CP: variants seen among roughly 807,000 people sequenced by gnomAD.
CP encodes ceruloplasmin, also known as caeruloplasmin.
A neutral mutation model predicts 122.4 loss-of-function variants in CP; 64 were observed. The ratio of observed to expected loss-of-function variants is 0.52; its 90% CI spans 0.43 to 0.64. CP has a LOEUF of 0.64. CP is among the 30% of genes least tolerant of loss of function. CP has a pLI of 0.00. For missense variants in CP, 1,167 were observed against 1,284.4 expected (o/e 0.91, Z 1.40); for synonymous variants, 440 against 436.4 (o/e 1.01, Z -0.10).
chr3:149,210,243 C>A lies in CP; in HGVS notation c.531G>T (p.Arg177Ser). Residue 177 changes from arginine to serine, a missense_variant, in exon 3 of 19, where the codon AGG becomes AGT. Around this residue, in one of 2 missense-constraint regions of CP, gnomAD observed 642 missense variants for 627.3 expected, o/e 1.02. Transcript: ENST00000264613. ...PGEGDGNCVTRIYHSHIDAPK... is the reference protein window; with the variant it reads ...PGEGDGNCVTSIYHSHIDAPK... ...GAGCATCAATGTGGGAATGGTAAAT[C>A]CTAGTCACACAATTGCCATCTCCTT... 6.2e-7 allele frequency: 1 copy of A among 1,613,998 alleles called. No individual in the cohort carries two copies. Among genetic ancestry groups the A allele is most frequent in the Non-Finnish European group, 8.5e-7 (1 of 1,179,916 alleles).
chr3:149,179,516 A>G (rs756964199), intron 15 of CP, 40 bp downstream of exon 15: 3 of 1,424,592 alleles, frequency 2.1e-6, no homozygotes, highest in African/African-American at 2.8e-5. Context: ...TTGTGTGTCT[A>G]TTTTGGGAAG....
At chr3:149,170,034 T>G (rs142884254), downstream of CP, among the ~76,000 whole-genome samples, 1,235 of 152,284 alleles carry the variant, frequency 8.1e-3, 14 homozygotes, top group African/African-American at 0.027. Flanking sequence ...CAACCCTAAA[T>G]CAGGCCTAAT....
chr3:149,173,969 T>G (rs1725228953), intron 18 of CP, among the ~76,000 whole-genome samples: 1 of 152,190 alleles, frequency 6.6e-6, no homozygotes, highest in Non-Finnish European at 1.5e-5. Flanking sequence ...AACTTTACAA[T>G]GGAGACACCT....
At position 149,212,456 on chromosome 3, in the gene CP, T is replaced by G; in HGVS notation, c.389A>C (p.His130Pro). ...GCTACATGAGCTGAACTTACCCTCA[T>G]GTTCCTTATAGTAAGTTATTCCATG... ...HSHGITYYKE[H>P]EGAIYPDNTT... The change falls in exon 2 of 19, where the codon CAT becomes CCT. Residue 130 changes from histidine (H) to proline (P), a missense_variant. By Grantham distance (77) the His-to-Pro change is moderately conservative. This residue lies in a region of CP where 642 missense variants were observed against 627.3 expected (regional missense o/e 1.02). Coordinates refer to ENST00000264613, the MANE Select transcript of CP (RefSeq NM_000096.4). The G allele has an allele frequency of 6.2e-7, 1 of 1,613,986 alleles. No homozygotes were observed. Among genetic ancestry groups the G allele is most frequent in the Non-Finnish European group, 8.5e-7 (1 of 1,179,938 alleles).
At chr3:149,220,958 C>A (rs1052500934) in intron 1 of CP, among the ~76,000 whole-genome samples, 7 of 152,090 alleles carry the variant, frequency 4.6e-5, no homozygotes, top group Non-Finnish European at 1.0e-4. Flanking sequence ...ATATTGCTTT[C>A]AATAAGGGGA....
chr3:149,183,153 A>G (rs957153785), intron 13 of CP, among the ~76,000 whole-genome samples: 12 of 152,152 alleles, frequency 7.9e-5, no homozygotes, highest in African/African-American at 2.7e-4. Context: ...TCTGTCAAAA[A>G]ACAGAATTTC....
At chr3:149,211,099 T>G (rs951377519) in intron 2 of CP, among the ~76,000 whole-genome samples, 3 of 152,202 alleles carry the variant, frequency 2.0e-5, no homozygotes, top group African/African-American at 7.2e-5. Flanking sequence ...CAGTCAGCCT[T>G]TTATGCTATG....
chr3:149,188,319 T>G, intron 9 of CP, 117 bp from the exon 10 acceptor site: 2 of 833,446 alleles, frequency 2.4e-6, no homozygotes, highest in Non-Finnish European at 3.7e-6. Context: ...CAGAAGTTTC[T>G]GTTGCTCTTT....
At chr3:149,212,106 A>C (rs1728141908) in intron 2 of CP, among the ~76,000 whole-genome samples, 2 of 152,014 alleles carry the variant, frequency 1.3e-5, no homozygotes, top group South Asian at 4.1e-4. Context: ...ATCCTGGCTA[A>C]CACGGTGAAA....
chr3:149,206,479 C>G (rs1727736229), intron 5 of CP, 140 bp from the exon 6 acceptor site: 1 of 959,234 alleles, frequency 1.0e-6, no homozygotes, highest in South Asian at 1.4e-5. Flanking sequence ...CTAGGGCAGA[C>G]AGCTGTAAAT....
At chr3:149,212,020 G>A (rs1020024688) in intron 2 of CP, among the ~76,000 whole-genome samples, 3 of 152,106 alleles carry the variant, frequency 2.0e-5, no homozygotes, top group Non-Finnish European at 4.4e-5. Flanking sequence ...TTGGCCGGGT[G>A]CAGTGACTCA....
Position 149,186,726 on chromosome 3 carries a change from T to C in CP, c.1871A>G (p.Asn624Ser). The C allele has an allele frequency of 6.2e-7, 1 of 1,613,878 alleles. No homozygotes were observed. The highest frequency in any genetic ancestry group is 8.5e-7 in the Non-Finnish European group (1 of 1,179,974). The change falls in exon 11 of 19, where the codon AAT becomes AGT. Residue 624 changes from asparagine to serine, a missense_variant. Physicochemically the swap from Asn to Ser is conservative, Grantham distance 46. Coordinates refer to ENST00000264613, the MANE Select transcript of CP (RefSeq NM_000096.4). ...FQESNKMHSM[N>S]GFMYGNQPGL... The stretch of plus-strand genomic sequence containing the variant: ...CGGCTGATTCCCATACATGAATCCA[T>C]TCATGGCTGTAAAAGTTGGGAAATA...
intron 4 of CP, among the ~76,000 whole-genome samples, chr3:149,166,754 T>C (rs1031677280): frequency 1.4e-4 from 21 of 152,214 alleles, no homozygotes; most frequent in Non-Finnish European, 2.4e-4. Context: ...TCCTAAAGAA[T>C]GCCCATTGGT....
At chr3:149,196,136 A>G (rs1216133325) in intron 9 of CP, among the ~76,000 whole-genome samples, 1 of 152,206 alleles carries the variant, frequency 6.6e-6, no homozygotes, top group African/African-American at 2.4e-5. Flanking sequence ...TGTTTTCAGT[A>G]ATCATATTGT....
In CP at chr3:149,176,253, C is replaced by T. The variant is rs192023240; in HGVS notation, c.3178G>A (p.Glu1060Lys). 4.3e-6 allele frequency: 7 copies of T among 1,611,966 alleles called. No individual in the cohort carries two copies. The Admixed American group carries it at 1.0e-4, about 23-fold the overall frequency. The stretch of plus-strand genomic sequence containing the variant: ...GAATTACTACCTGGATATTCACCTT[C>T]ATTTTGTAGAACGGTGTAAGTGGTT... ...METTYTVLQN[E>K]DTKSG Residue 1060 changes from glutamate to lysine, a missense_variant, in exon 18 of 19, where the codon GAA becomes AAA. Coordinates refer to ENST00000264613, the MANE Select transcript of CP (RefSeq NM_000096.4).
At chr3:149,210,986 AC>A (rs1204789783) in intron 2 of CP, among the ~76,000 whole-genome samples, 1 of 152,180 alleles carries the variant, frequency 6.6e-6, no homozygotes. Flanking sequence ...AAAGATAGGA[AC>A]CCTTTTTTTC....
At chr3:149,201,693 C>T (rs1011835145) in intron 7 of CP, among the ~76,000 whole-genome samples, 5 of 152,056 alleles carry the variant, frequency 3.3e-5, no homozygotes, top group African/African-American at 9.7e-5. Flanking sequence ...CGGGTTCAAG[C>T]GATTCTCATG....
At chr3:149,198,652 G>A (rs1056471383) in intron 8 of CP, 74 bp from the exon 9 acceptor site, 16 of 1,273,830 alleles carry the variant, frequency 1.3e-5, no homozygotes, top group Non-Finnish European at 1.7e-5. Flanking sequence ...AGTAGACTAA[G>A]TTTAGTCTAG....
At chr3:149,177,764 C>T in intron 17 of CP, 76 bp downstream of exon 17, 5 of 1,513,542 alleles carry the variant, frequency 3.3e-6, no homozygotes, top group Non-Finnish European at 4.6e-6. Flanking sequence ...ATAAGTCTCT[C>T]TGAGAAAATA....
Sources: gnomAD v4.1 joint callset for allele counts (sites outside exome capture counted in the v4.1 genomes callset) on GRCh38, gnomAD v4.1.1 for gene constraint, gnomAD v4.1.1 regional missense constraint, MANE v1.5 for transcripts, NCBI Gene and HGNC (gene_info 2026-07-23, HGNC 2026-07-21) for gene names.